The following PRUNE2 variants were observed in gnomAD, a reference collection of about 807,000 sequenced individuals.
PRUNE2 encodes the protein prune homolog 2 with BCH domain.
Under a neutral mutation model 252.0 loss-of-function variants are expected in PRUNE2, and 164 were observed. The ratio of observed to expected loss-of-function variants is 0.65; its 90% CI spans 0.57 to 0.74. The LOEUF (loss-of-function observed/expected upper bound fraction) is 0.74, where lower values mean the gene tolerates loss of function less well. Among genes scored for constraint, PRUNE2 ranks in the 30% least tolerant of loss-of-function variants. PRUNE2 has a pLI of 0.00. For missense variants in PRUNE2, 3,495 were observed against 3,711.0 expected, an observed-to-expected ratio of 0.94 and a Z score of 1.51; for synonymous variants, 1,292 against 1,350.2, an observed-to-expected ratio of 0.96 and a Z score of 0.94.
intron 1 of PRUNE2, among the ~76,000 whole-genome samples, chr9:76,876,868 G>T (rs1355389432): frequency 2.0e-5 from 3 of 152,172 alleles, no homozygotes; most frequent in African/African-American, 4.8e-5. Flanking sequence ...CATTACATGA[G>T]ATATTTTTAA....
intron 6 of PRUNE2, among the ~76,000 whole-genome samples, chr9:76,777,979 G>C (rs988608693): frequency 3.3e-5 from 5 of 152,244 alleles, no homozygotes; most frequent in Admixed American, 6.5e-5. Context: ...GTCTATAGCA[G>C]TGGGAGGTGG....
chr9:76,650,256 A>G (rs925254094), intron 11 of PRUNE2, among the ~76,000 whole-genome samples: 1 of 150,398 alleles, frequency 6.6e-6, no homozygotes, highest in Non-Finnish European at 1.5e-5. Flanking sequence ...TGAAAACTAT[A>G]TAAATGAAAA....
chr9:76,870,765 A>T (rs901481882), intron 1 of PRUNE2, among the ~76,000 whole-genome samples: 3 of 150,982 alleles, frequency 2.0e-5, no homozygotes, highest in African/African-American at 7.4e-5. Flanking sequence ...ATGTGGAGTG[A>T]GGGCAAGAGA....
intron 1 of PRUNE2, among the ~76,000 whole-genome samples, chr9:76,897,440 C>T (rs1323658151): frequency 3.6e-5 from 4 of 112,330 alleles, no homozygotes; most frequent in African/African-American, 1.0e-4. Context: ...GATGGAGTCT[C>T]GCTCTGTCAT....
chr9:76,689,484 C>T (rs549057595), intron 9 of PRUNE2, among the ~76,000 whole-genome samples: 4 of 151,796 alleles, frequency 2.6e-5, no homozygotes, highest in African/African-American at 9.7e-5. Flanking sequence ...GCCTCCCAAG[C>T]AGCTGGAACT....
At chr9:76,644,601 T>C (rs760719656) in intron 12 of PRUNE2, 138 bp downstream of exon 12, 18 of 789,394 alleles carry the variant, frequency 2.3e-5, no homozygotes, top group Middle Eastern at 2.2e-4. Flanking sequence ...TATACTTAGC[T>C]CTATAGTTCC....
intron 6 of PRUNE2, among the ~76,000 whole-genome samples, chr9:76,797,150 T>A (rs926803217): frequency 3.3e-5 from 5 of 152,326 alleles, no homozygotes; most frequent in African/African-American, 1.2e-4. Context: ...TCTAACTTTA[T>A]ATATGTATTA....
chr9:76,770,445 T>G (rs2052968701), intron 6 of PRUNE2, among the ~76,000 whole-genome samples: 1 of 152,172 alleles, frequency 6.6e-6, no homozygotes, highest in Non-Finnish European at 1.5e-5. Flanking sequence ...TGTTAATGGC[T>G]TTTTCAAATG....
chr9:76,727,642 C>A (rs1279954377), intron 6 of PRUNE2, among the ~76,000 whole-genome samples: 1 of 101,438 alleles, frequency 9.9e-6, no homozygotes. Flanking sequence ...TCTTCTTCTT[C>A]TTCTTTTTTT....
intron 4 of PRUNE2, among the ~76,000 whole-genome samples, chr9:76,828,135 A>G (rs1305394616): frequency 6.6e-6 from 1 of 152,238 alleles, no homozygotes; most frequent in Non-Finnish European, 1.5e-5. Flanking sequence ...CTCTGAATCT[A>G]GGCCAAAATC....
intron 1 of PRUNE2, among the ~76,000 whole-genome samples, chr9:76,854,860 C>T (rs745481179): frequency 2.0e-5 from 3 of 151,504 alleles, no homozygotes; most frequent in South Asian, 2.1e-4. Flanking sequence ...GTCAGGAGAT[C>T]GAGATCATCT....
chr9:76,887,607 G>A (rs1305935384), intron 1 of PRUNE2, among the ~76,000 whole-genome samples: 2 of 152,206 alleles, frequency 1.3e-5, no homozygotes, highest in African/African-American at 2.4e-5. Context: ...TGTGGCTGAT[G>A]AAGAGAAAGT....
At position 76,774,453 on chromosome 9, in the gene PRUNE2, T is replaced by TTTTTATTTATTTA. The variant is rs1554761597; in HGVS notation, c.756+49178_756+49179insTAAATAAATAAAA. On this transcript the variant is annotated intron_variant, in intron 6 of 18. Coordinates refer to ENST00000376718, the MANE Select transcript of PRUNE2 (RefSeq NM_015225.3). Reference sequence around the variant, plus strand: ...GTTCCTGGCCTCCAGTTCAACCCTTTTTTTTTTTTTTTTTTTTTTTTTTTG... The same window carrying TTTTTATTTATTTA: ...GTTCCTGGCCTCCAGTTCAACCCTTTTTTTATTTATTTATTTTTTTTTTTTTTTTTTTTTTTTG... Among the ~76,000 whole-genome samples, 3 of 122,224 alleles carry TTTTTATTTATTTA rather than the reference T, an allele frequency of 2.5e-5. 1 individual carries two copies. 80.2% of individuals were successfully genotyped at this position (122,224 alleles called of 152,430 possible).
At chr9:76,858,241 T>G (rs926272353) in intron 1 of PRUNE2, among the ~76,000 whole-genome samples, 14 of 152,210 alleles carry the variant, frequency 9.2e-5, no homozygotes, top group African/African-American at 3.4e-4. Flanking sequence ...TCACTGCACT[T>G]GCAATTTAGT....
At chr9:76,656,327 A>G (rs888763912) in intron 9 of PRUNE2, among the ~76,000 whole-genome samples, 6 of 152,222 alleles carry the variant, frequency 3.9e-5, no homozygotes, top group Non-Finnish European at 7.3e-5. Context: ...TTACCATAAT[A>G]TATATTTCTT....
At chr9:76,746,846 A>G (rs2050170725) in intron 6 of PRUNE2, among the ~76,000 whole-genome samples, 2 of 151,994 alleles carry the variant, frequency 1.3e-5, no homozygotes, top group East Asian at 1.9e-4. Context: ...CCCTTCTCAC[A>G]TGCCTTGCCC....
At chr9:76,864,302 T>A (rs1357427719) in intron 1 of PRUNE2, among the ~76,000 whole-genome samples, 1 of 151,986 alleles carries the variant, frequency 6.6e-6, no homozygotes, top group Non-Finnish European at 1.5e-5. Flanking sequence ...CCAGAGGGGG[T>A]AGCAGGAAGG....
rs1395151259 is a variant in PRUNE2 at position 76,641,932 on chromosome 9, T to C, written c.8728+2807A>G. On this transcript the variant is annotated intron_variant, in intron 12 of 18. Coordinates refer to ENST00000376718, the MANE Select transcript of PRUNE2 (RefSeq NM_015225.3). ...GCCAGCAACTCTTCTCCTCATTCTTTCCAGGGTCATTTGTCCAGCAAGACT... is the reference window on the plus strand; with the variant it reads ...GCCAGCAACTCTTCTCCTCATTCTTCCCAGGGTCATTTGTCCAGCAAGACT... 3.9e-5 allele frequency: 60 copies of C among 1,526,670 alleles called. No individual in the cohort carries two copies. In the Admixed American group the frequency reaches 6.4e-4, roughly 16 times the overall value. The allele number at this position is 1,526,670 out of a possible 1,614,324, so 94.6% of individuals were successfully genotyped here. A position where few individuals can be genotyped will look rare whatever the true frequency, so the allele number is the denominator to read the frequency against.
chr9:76,694,434 T>C (rs2045180302), intron 9 of PRUNE2, among the ~76,000 whole-genome samples: 1 of 152,200 alleles, frequency 6.6e-6, no homozygotes, highest in African/African-American at 2.4e-5. Flanking sequence ...CCTCTCACCT[T>C]GGCCTCCCAA....
Sources: gnomAD v4.1 joint callset for allele counts (sites outside exome capture counted in the v4.1 genomes callset) on GRCh38, gnomAD v4.1.1 for gene constraint, MANE v1.5 for transcripts, NCBI Gene and HGNC (gene_info 2026-07-23, HGNC 2026-07-21) for gene names.